KLHL1: variants seen among roughly 807,000 people sequenced by gnomAD.
KLHL1 encodes the protein kelch like family member 1, also known as kelch-like protein 1.
KLHL1 carries 47 observed loss-of-function variants against 77.7 expected under a neutral mutation model. The observed-to-expected ratio is 0.60, with a 90% CI of 0.48 to 0.77. The LOEUF (loss-of-function observed/expected upper bound fraction) is 0.77. Among genes scored for constraint, KLHL1 ranks in the 30% least tolerant of loss-of-function variants. The pLI is 0.00. For synonymous variants in KLHL1, 360 were observed against 325.2 expected, an observed-to-expected ratio of 1.11 and a Z score of -1.15; for missense variants, 925 against 910.8, an observed-to-expected ratio of 1.02 and a Z score of -0.20.
chr13:69,902,075 C>A (rs1388315704), intron 4 of KLHL1, among the ~76,000 whole-genome samples: 2 of 152,176 alleles, frequency 1.3e-5, no homozygotes, highest in Admixed American at 6.5e-5. Context: ...GCTGGGATTA[C>A]AGGCGTGAGC....
chr13:69,900,784 A>T (rs1423655430), intron 4 of KLHL1, among the ~76,000 whole-genome samples: 2 of 152,216 alleles, frequency 1.3e-5, no homozygotes, highest in African/African-American at 4.8e-5. Context: ...TCTACATCAC[A>T]GTAGTTCCAC....
At chr13:70,093,901 T>A (rs916342232) in intron 1 of KLHL1, among the ~76,000 whole-genome samples, 3 of 152,188 alleles carry the variant, frequency 2.0e-5, no homozygotes, top group Non-Finnish European at 4.4e-5. Context: ...CATATAAAGT[T>A]AATTAACTTG....
At chr13:69,958,885 G>A (rs990463690) in intron 3 of KLHL1, among the ~76,000 whole-genome samples, 1 of 151,914 alleles carries the variant, frequency 6.6e-6, no homozygotes, top group African/African-American at 2.4e-5. Flanking sequence ...GAGTTAGGTA[G>A]ATAGTACAGT....
chr13:69,954,331 A>AC (rs1883802314), intron 3 of KLHL1, among the ~76,000 whole-genome samples: 1 of 151,334 alleles, frequency 6.6e-6, no homozygotes. Context: ...GCCTAAGAAA[A>AC]TATAGTGAAC....
At chr13:69,703,173 A>C (rs1157568066) in intron 10 of KLHL1, among the ~76,000 whole-genome samples, 1 of 151,584 alleles carries the variant, frequency 6.6e-6, no homozygotes, top group Non-Finnish European at 1.5e-5. Flanking sequence ...CACATATACA[A>C]TGGTGGTCCC....
chr13:69,975,462 A>G (rs1884516759), intron 2 of KLHL1, among the ~76,000 whole-genome samples, 158 bp downstream of exon 2: 1 of 150,922 alleles, frequency 6.6e-6, no homozygotes, highest in African/African-American at 2.4e-5. Flanking sequence ...ATAAGAAATA[A>G]AAACAAGTAT....
At chr13:69,784,313 G>T (rs1291382258) in intron 7 of KLHL1, among the ~76,000 whole-genome samples, 1 of 149,736 alleles carries the variant, frequency 6.7e-6, no homozygotes, top group African/African-American at 2.6e-5. Context: ...CATAATGACA[G>T]GACCAAACTC....
chr13:70,058,256 G>A (rs1304545150), intron 1 of KLHL1, among the ~76,000 whole-genome samples: 2 of 152,054 alleles, frequency 1.3e-5, no homozygotes, highest in Non-Finnish European at 1.5e-5. Context: ...AGACAATAAA[G>A]AATATGCAAA....
chr13:69,711,477 A>G (rs1875875176), intron 9 of KLHL1, among the ~76,000 whole-genome samples: 1 of 152,110 alleles, frequency 6.6e-6, no homozygotes, highest in Admixed American at 6.6e-5. Flanking sequence ...ATCGAGAGTG[A>G]CAATAGTGTT....
At chr13:69,847,744 A>G (rs1012187027) in intron 5 of KLHL1, among the ~76,000 whole-genome samples, 25 of 151,598 alleles carry the variant, frequency 1.6e-4, no homozygotes, top group South Asian at 1.5e-3. Flanking sequence ...TGTGCTAAAA[A>G]TAAACTCAGA....
intron 1 of KLHL1, among the ~76,000 whole-genome samples, chr13:70,058,883 A>T (rs1048974936): frequency 5.3e-5 from 8 of 152,204 alleles, no homozygotes; most frequent in Admixed American, 2.6e-4. Context: ...ATGGGACAGA[A>T]TAGAGAACCC....
At chr13:69,960,899 G>A (rs1006699027) in intron 3 of KLHL1, among the ~76,000 whole-genome samples, 1 of 151,672 alleles carries the variant, frequency 6.6e-6, no homozygotes, top group Non-Finnish European at 1.5e-5. Flanking sequence ...TAACTATTCC[G>A]TGAAAATTTT....
At chr13:69,985,470 T>C (rs1884836633) in intron 1 of KLHL1, among the ~76,000 whole-genome samples, 1 of 151,790 alleles carries the variant, frequency 6.6e-6, no homozygotes, top group South Asian at 2.1e-4. Context: ...GAATGGTTGT[T>C]ATCAAAAAGA....
intron 1 of KLHL1, among the ~76,000 whole-genome samples, chr13:70,032,711 T>C (rs1886134139): frequency 6.6e-6 from 1 of 152,236 alleles, no homozygotes; most frequent in African/African-American, 2.4e-5. Context: ...AGTATTATTC[T>C]ATGCATTTAG....
chr13:70,050,605 A>G (rs1886606404), intron 1 of KLHL1, among the ~76,000 whole-genome samples: 1 of 151,936 alleles, frequency 6.6e-6, no homozygotes, highest in Admixed American at 6.6e-5. Flanking sequence ...ATAAATATTA[A>G]TCTGGCCATT....
chr13:69,854,942 T>C (rs1025851001), intron 5 of KLHL1, among the ~76,000 whole-genome samples: 1 of 151,972 alleles, frequency 6.6e-6, no homozygotes, highest in Non-Finnish European at 1.5e-5. Context: ...ATTGGAAATA[T>C]ATTTTTACAA....
chr13:69,918,126 C>A (rs1444455254), intron 4 of KLHL1, among the ~76,000 whole-genome samples: 1 of 151,826 alleles, frequency 6.6e-6, no homozygotes, highest in African/African-American at 2.4e-5. Context: ...TTTTTGATAA[C>A]CTAATAGGAC....
At chr13:69,760,459 G>A (rs1287415199) in intron 7 of KLHL1, among the ~76,000 whole-genome samples, 2 of 151,928 alleles carry the variant, frequency 1.3e-5, no homozygotes, top group African/African-American at 4.8e-5. Context: ...AGTTTCAAGC[G>A]ATTCTCCTGC....
chr13:70,057,502 C>A (rs1307092746), intron 1 of KLHL1, among the ~76,000 whole-genome samples: 3 of 142,020 alleles, frequency 2.1e-5, no homozygotes, highest in Admixed American at 7.0e-5. Context: ...AGAGGCCGGG[C>A]GCGGTGGCTC....
Sources: allele counts gnomAD v4.1 joint callset (sites outside exome capture counted in the v4.1 genomes callset), GRCh38; gene constraint gnomAD v4.1.1; transcripts MANE v1.5; gene names NCBI Gene and HGNC (gene_info 2026-07-23, HGNC 2026-07-21).